The following ENPP6 variants were observed in gnomAD, a reference collection of about 807,000 sequenced individuals.
The protein encoded by ENPP6 is glycerophosphocholine cholinephosphodiesterase ENPP6.
Under a neutral mutation model 42.0 loss-of-function variants are expected in ENPP6, and 32 were observed. The observed-to-expected ratio is 0.76, with a 90% CI of 0.58 to 1.02. The LOEUF (loss-of-function observed/expected upper bound fraction) is 1.02. ENPP6 is among the 50% of genes least tolerant of loss of function. The pLI is 0.00. For missense variants in ENPP6, 552 were observed against 566.8 expected, an observed-to-expected ratio of 0.97 and a Z score of 0.27; for synonymous variants, 213 against 216.0, an observed-to-expected ratio of 0.99 and a Z score of 0.12.
chr4:184,138,281 G>C (rs138322982), intron 2 of ENPP6, among the ~76,000 whole-genome samples: 1 of 152,188 alleles, frequency 6.6e-6, no homozygotes, highest in South Asian at 2.1e-4. Context: ...AGGAGTTTTT[G>C]TACCAATGTC....
At chr4:184,119,721 A>T (rs192654680) in intron 3 of ENPP6, among the ~76,000 whole-genome samples, 6 of 152,132 alleles carry the variant, frequency 3.9e-5, no homozygotes, top group Non-Finnish European at 7.4e-5. Context: ...GTGGGAGGTG[A>T]TTGGAGCATG....
intron 1 of ENPP6, among the ~76,000 whole-genome samples, chr4:184,206,032 G>T (rs982362135): frequency 6.6e-6 from 1 of 152,130 alleles, no homozygotes; most frequent in South Asian, 2.1e-4. Flanking sequence ...TGGATTTGGT[G>T]CAAGAGAGAG....
chr4:184,163,933 A>G (rs1439949274), intron 1 of ENPP6, among the ~76,000 whole-genome samples: 1 of 152,206 alleles, frequency 6.6e-6, no homozygotes, highest in Non-Finnish European at 1.5e-5. Flanking sequence ...TCTAACCTAC[A>G]GGTTTTTGCC....
At chr4:184,099,550 C>T (rs1221414119) in intron 6 of ENPP6, among the ~76,000 whole-genome samples, 2 of 152,208 alleles carry the variant, frequency 1.3e-5, no homozygotes, top group African/African-American at 4.8e-5. Context: ...GGGCAGTATG[C>T]AGCCGGGCAG....
At chr4:184,209,923 G>A (rs1489333891) in intron 1 of ENPP6, among the ~76,000 whole-genome samples, 1 of 135,746 alleles carries the variant, frequency 7.4e-6, no homozygotes, top group Non-Finnish European at 1.5e-5. Flanking sequence ...GAGAGTGGGG[G>A]CCAATATTCA....
chr4:184,170,482 A>G (rs1737443741), intron 1 of ENPP6, among the ~76,000 whole-genome samples: 2 of 151,532 alleles, frequency 1.3e-5, no homozygotes, highest in Non-Finnish European at 2.9e-5. Flanking sequence ...AACAAAACCC[A>G]TGCATTTTAT....
intron 2 of ENPP6, among the ~76,000 whole-genome samples, chr4:184,146,534 A>C (rs745392831): frequency 6.6e-6 from 1 of 152,252 alleles, no homozygotes; most frequent in African/African-American, 2.4e-5. Flanking sequence ...GTCAGAAATT[A>C]TAATGTTAAA....
intron 2 of ENPP6, among the ~76,000 whole-genome samples, chr4:184,151,561 A>C (rs928530159): frequency 1.7e-4 from 26 of 152,052 alleles, no homozygotes; most frequent in African/African-American, 6.3e-4. Flanking sequence ...AAGGAGGAAA[A>C]ACTTAAGTTC....
intron 6 of ENPP6, among the ~76,000 whole-genome samples, chr4:184,110,959 T>C (rs1736187575): frequency 6.6e-6 from 1 of 152,170 alleles, no homozygotes; most frequent in Admixed American, 6.5e-5. Flanking sequence ...ATGTTTACTT[T>C]CACTGAGAGG....
chr4:184,131,266 TCCTTC>T (rs1560987523), intron 2 of ENPP6, among the ~76,000 whole-genome samples: 8 of 114,122 alleles, frequency 7.0e-5, no homozygotes, highest in South Asian at 6.5e-4. Flanking sequence ...TTCTCTTCCT[TCCTTC>T]CTTCCTTCCT....
At chr4:184,157,575 CT>C (rs1354022219) in intron 1 of ENPP6, among the ~76,000 whole-genome samples, 2 of 136,026 alleles carry the variant, frequency 1.5e-5, no homozygotes, top group African/African-American at 2.7e-5. Flanking sequence ...CCTTTCTTTC[CT>C]TTTTTTCCTT....
intron 2 of ENPP6, among the ~76,000 whole-genome samples, chr4:184,141,550 T>C (rs1736820402): frequency 6.6e-6 from 1 of 152,216 alleles, no homozygotes; most frequent in South Asian, 2.1e-4. Context: ...TTATTCTGTC[T>C]TGTTTCCTCA....
Position 184,089,201 on chromosome 4 carries a change from C to T in ENPP6, c.*1976G>A, listed in dbSNP as rs1488365051. On this transcript the variant is annotated 3_prime_UTR_variant, in exon 8 of 8. Coordinates refer to ENST00000296741, the MANE Select transcript of ENPP6 (RefSeq NM_153343.4). Reference sequence around the variant, plus strand: ...TCTTTCCAATTGATCCGATGGTTTACTGGCGCTTTTAAAACACATTACATA... The same window carrying T: ...TCTTTCCAATTGATCCGATGGTTTATTGGCGCTTTTAAAACACATTACATA... The T allele has an allele frequency of 6.6e-6, 1 of 152,216 alleles. No homozygotes were observed. The highest frequency in any genetic ancestry group is 2.4e-5 in the African/African-American group (1 of 41,462). The allele number at this position is 152,216 out of a possible 1,614,324, so 9.4% of individuals were successfully genotyped here.
chr4:184,206,063 A>G (rs929777168), intron 1 of ENPP6, among the ~76,000 whole-genome samples: 3 of 151,992 alleles, frequency 2.0e-5, no homozygotes, highest in Non-Finnish European at 4.4e-5. Context: ...GGAAGAGGGC[A>G]TGCCGAACAG....
At chr4:184,092,683 C>A (rs572758058) in intron 7 of ENPP6, among the ~76,000 whole-genome samples, 50 of 152,304 alleles carry the variant, frequency 3.3e-4, no homozygotes, top group African/African-American at 1.2e-3. Context: ...GAGCTTGTAA[C>A]AAAATACCCA....
intron 6 of ENPP6, among the ~76,000 whole-genome samples, chr4:184,099,031 CACA>C (rs1735956779): frequency 6.6e-6 from 1 of 152,234 alleles, no homozygotes; most frequent in African/African-American, 2.4e-5. Context: ...ACTGAACCAT[CACA>C]ACATCCCAGT....
At chr4:184,134,866 C>A (rs1300507966) in intron 2 of ENPP6, among the ~76,000 whole-genome samples, 1 of 150,786 alleles carries the variant, frequency 6.6e-6, no homozygotes. Flanking sequence ...TTAAGGATGG[C>A]TTTAGCTGCA....
At chr4:184,191,969 A>G (rs983392810) in intron 1 of ENPP6, among the ~76,000 whole-genome samples, 2 of 152,250 alleles carry the variant, frequency 1.3e-5, no homozygotes, top group African/African-American at 4.8e-5. Flanking sequence ...GCATTGCTGA[A>G]GGAAACTGCA....
At chr4:184,154,010 T>C (rs1560994801) in intron 1 of ENPP6, among the ~76,000 whole-genome samples, 1 of 152,330 alleles carries the variant, frequency 6.6e-6, no homozygotes, top group East Asian at 1.9e-4. Context: ...CTGAGGACAC[T>C]GTGCAGAGCT....
Sources: gnomAD v4.1 joint callset for allele counts (sites outside exome capture counted in the v4.1 genomes callset) on GRCh38, gnomAD v4.1.1 for gene constraint, MANE v1.5 for transcripts, NCBI Gene and HGNC (gene_info 2026-07-23, HGNC 2026-07-21) for gene names.